The following RALYL variants were observed in gnomAD, a reference collection of about 807,000 sequenced individuals.
RALYL encodes RNA-binding Raly-like protein.
In RALYL, 29 loss-of-function variants were observed where a neutral mutation model predicts 35.1. The observed-to-expected ratio is 0.83, with a 90% CI of 0.61 to 1.13. RALYL has a LOEUF of 1.13. RALYL is among the 50% of genes most tolerant of loss of function. RALYL has a pLI of 0.00. For synonymous variants in RALYL, 120 were observed against 127.6 expected, an observed-to-expected ratio of 0.94 and a Z score of 0.40; for missense variants, 359 against 360.4, an observed-to-expected ratio of 1.00 and a Z score of 0.03.
At chr8:84,418,444 G>A (rs576124741) in intron 1 of RALYL, among the ~76,000 whole-genome samples, 40 of 152,150 alleles carry the variant, frequency 2.6e-4, no homozygotes, top group South Asian at 1.2e-3. Context: ...GTCTAGAACC[G>A]CCATTATTTG....
intron 1 of RALYL, among the ~76,000 whole-genome samples, chr8:84,469,223 T>A (rs552895542): frequency 6.6e-6 from 1 of 152,122 alleles, no homozygotes; most frequent in Non-Finnish European, 1.5e-5. Flanking sequence ...GGCTCTCTGC[T>A]TTTTAGAGTT....
At chr8:84,417,441 T>C (rs1342590210) in intron 1 of RALYL, among the ~76,000 whole-genome samples, 2 of 152,024 alleles carry the variant, frequency 1.3e-5, no homozygotes, top group Admixed American at 1.3e-4. Flanking sequence ...TTTCTTTTCA[T>C]GGTGACACTA....
chr8:84,402,548 T>C (rs926800568), intron 1 of RALYL, among the ~76,000 whole-genome samples: 1 of 152,150 alleles, frequency 6.6e-6, no homozygotes, highest in African/African-American at 2.4e-5. Flanking sequence ...ACTGGCCCAC[T>C]GTCCTAGTTC....
chr8:84,670,121 A>G (rs918141475), intron 2 of RALYL, among the ~76,000 whole-genome samples: 3 of 142,362 alleles, frequency 2.1e-5, no homozygotes, highest in East Asian at 2.0e-4. Flanking sequence ...TTTCCTGCTG[A>G]AAAAAAAAAA....
intron 1 of RALYL, among the ~76,000 whole-genome samples, chr8:84,231,985 A>T (rs1181849047): frequency 6.6e-6 from 1 of 152,194 alleles, no homozygotes; most frequent in African/African-American, 2.4e-5. Context: ...GACATTTAGG[A>T]TCATCATGGA....
chr8:84,228,982 C>T (rs1332912158), intron 1 of RALYL, among the ~76,000 whole-genome samples: 1 of 152,152 alleles, frequency 6.6e-6, no homozygotes, highest in Non-Finnish European at 1.5e-5. Flanking sequence ...TGGGTGGGAA[C>T]AGAGAGCCAA....
chr8:84,423,041 C>G (rs200531613), intron 1 of RALYL, among the ~76,000 whole-genome samples: 46 of 149,168 alleles, frequency 3.1e-4, no homozygotes, highest in South Asian at 1.9e-3. Context: ...TTGGGGTGGA[C>G]AGTTCTGTAG....
At position 84,729,593 on chromosome 8, in the gene RALYL, A is replaced by G. The variant is rs558261028; in HGVS notation, c.257-44986A>G. The stretch of plus-strand genomic sequence containing the variant: ...CCCTTCAAAAAATTAATGAATCCAG[A>G]AGCTGGTTTTTTGAAAGGATCAATG... On this transcript the variant is annotated intron_variant, in intron 2 of 8. Transcript: ENST00000521268. Among the ~76,000 whole-genome samples the G allele has an allele frequency of 2.4e-4, 37 of 152,210 alleles. 2 individuals carry two copies. In the South Asian group the frequency reaches 5.2e-3, roughly 21 times the overall value.
intron 1 of RALYL, among the ~76,000 whole-genome samples, chr8:84,321,533 G>A (rs1170648553): frequency 6.6e-6 from 1 of 152,122 alleles, no homozygotes; most frequent in East Asian, 1.9e-4. Flanking sequence ...GGAGGTCATT[G>A]TATTTGTATA....
intron 1 of RALYL, among the ~76,000 whole-genome samples, chr8:84,447,753 A>G (rs2049006680): frequency 6.6e-6 from 1 of 152,084 alleles, no homozygotes. Context: ...GGCAGATGTG[A>G]CAAAGTAACG....
At chr8:84,193,420 GGAA>G (rs1212708727) in intron 1 of RALYL, among the ~76,000 whole-genome samples, 1 of 152,110 alleles carries the variant, frequency 6.6e-6, no homozygotes, top group African/African-American at 2.4e-5. Context: ...TCTCAGAAGA[GGAA>G]GAGAATTGAA....
chr8:84,772,064 T>C (rs1348425001), intron 2 of RALYL, among the ~76,000 whole-genome samples: 3 of 152,068 alleles, frequency 2.0e-5, no homozygotes, highest in Admixed American at 2.0e-4. Context: ...TATTTGTCCT[T>C]GTGGATAACC....
intron 1 of RALYL, among the ~76,000 whole-genome samples, chr8:84,352,402 A>T (rs1851070271): frequency 6.6e-6 from 1 of 150,528 alleles, no homozygotes; most frequent in African/African-American, 2.5e-5. Context: ...TGAAAATCCC[A>T]ACATACAGGG....
intron 1 of RALYL, among the ~76,000 whole-genome samples, chr8:84,266,275 C>T (rs1020458765): frequency 3.9e-5 from 6 of 151,988 alleles, no homozygotes; most frequent in Admixed American, 6.6e-5. Flanking sequence ...TCCTGGCATA[C>T]TTTGCGAATT....
chr8:84,621,751 T>G (rs547237711), intron 2 of RALYL, among the ~76,000 whole-genome samples: 1 of 152,288 alleles, frequency 6.6e-6, no homozygotes, highest in East Asian at 1.9e-4. Context: ...CCTTGTAGGA[T>G]TTAAAGAGAG....
intron 2 of RALYL, among the ~76,000 whole-genome samples, chr8:84,686,805 T>C (rs543173892): frequency 6.6e-6 from 1 of 152,326 alleles, no homozygotes; most frequent in South Asian, 2.1e-4. Context: ...TTATTTCTTA[T>C]TCCCCCCAAT....
chr8:84,405,332 T>G (rs2043359730), intron 1 of RALYL, among the ~76,000 whole-genome samples: 1 of 152,060 alleles, frequency 6.6e-6, no homozygotes, highest in East Asian at 1.9e-4. Flanking sequence ...ATTCAAAAGC[T>G]AGCAGAAGAC....
chr8:84,437,968 G>A (rs2047923100), intron 1 of RALYL, among the ~76,000 whole-genome samples: 1 of 152,112 alleles, frequency 6.6e-6, no homozygotes, highest in Admixed American at 6.6e-5. Flanking sequence ...CTTGTCTCAT[G>A]TATTTCTTTA....
At chr8:84,681,357 A>T (rs887300139) in intron 2 of RALYL, among the ~76,000 whole-genome samples, 2 of 152,228 alleles carry the variant, frequency 1.3e-5, no homozygotes, top group Middle Eastern at 3.4e-3. Context: ...CCATATGAAC[A>T]TTAAAGTAGT....
Sources: gnomAD v4.1 joint callset for allele counts (sites outside exome capture counted in the v4.1 genomes callset) on GRCh38, gnomAD v4.1.1 for gene constraint, MANE v1.5 for transcripts, NCBI Gene and HGNC (gene_info 2026-07-23, HGNC 2026-07-21) for gene names.